Variants in CCNYL1 observed in about 807,000 individuals in gnomAD.
CCNYL1 encodes cyclin-Y-like protein 1.
A neutral mutation model predicts 44.2 loss-of-function variants in CCNYL1; 16 were observed. That is an observed-to-expected ratio of 0.36 (90% CI 0.25 to 0.55). The LOEUF is 0.55. CCNYL1 is among the 20% of genes least tolerant of loss of function. The pLI is 0.85. For missense variants in CCNYL1, 348 were observed against 451.8 expected, an observed-to-expected ratio of 0.77 and a Z score of 2.08; for synonymous variants, 159 against 163.2, an observed-to-expected ratio of 0.97 and a Z score of 0.20.
intron 3 of CCNYL1, among the ~76,000 whole-genome samples, chr2:207,729,247 TCCGCCCC>T (rs1249665983): frequency 1.9e-5 from 2 of 104,606 alleles, no homozygotes; most frequent in African/African-American, 1.0e-4. Context: ...TTTACTTGTC[TCCGCCCC>T]CCCCCGCCCC....
chr2:207,753,311 A>G (rs1185981577), intron 9 of CCNYL1, among the ~76,000 whole-genome samples: 2 of 152,232 alleles, frequency 1.3e-5, no homozygotes, highest in African/African-American at 2.4e-5. Context: ...GCCCTATCAC[A>G]ATACCTTTGA....
chr2:207,746,474 TTGA>T (rs1296591029), intron 7 of CCNYL1, among the ~76,000 whole-genome samples: 1 of 152,316 alleles, frequency 6.6e-6, no homozygotes, highest in Admixed American at 6.5e-5. Context: ...AGTGCCTCTC[TTGA>T]TGATGCTGTT....
At chr2:207,730,596 A>G (rs2091719150) in intron 3 of CCNYL1, among the ~76,000 whole-genome samples, 1 of 152,094 alleles carries the variant, frequency 6.6e-6, no homozygotes, top group Non-Finnish European at 1.5e-5. Flanking sequence ...CGTTTCTACT[A>G]AAAATATAAA....
intron 7 of CCNYL1, among the ~76,000 whole-genome samples, chr2:207,746,774 G>A (rs965367869): frequency 1.3e-5 from 2 of 152,122 alleles, no homozygotes; most frequent in African/African-American, 4.8e-5. Context: ...TCAGGAGTTC[G>A]AGACCAACCT....
intron 9 of CCNYL1, among the ~76,000 whole-genome samples, chr2:207,751,503 T>G (rs2091890154): frequency 6.6e-6 from 1 of 152,122 alleles, no homozygotes; most frequent in Non-Finnish European, 1.5e-5. Context: ...GCAGATCACT[T>G]GAGGTCAGGA....
At chr2:207,722,957 C>T (rs1437942618) in intron 1 of CCNYL1, among the ~76,000 whole-genome samples, 4 of 147,880 alleles carry the variant, frequency 2.7e-5, no homozygotes, top group Admixed American at 6.8e-5. Context: ...AGACTCTTCT[C>T]TCGGAAAAAA....
intron 3 of CCNYL1, 80 bp downstream of exon 3, chr2:207,726,956 G>C: frequency 2.0e-6 from 2 of 995,306 alleles, no homozygotes; most frequent in Non-Finnish European, 2.9e-6. Flanking sequence ...AAATATAATG[G>C]GGACCCAATA....
intron 3 of CCNYL1, among the ~76,000 whole-genome samples, chr2:207,729,218 C>A (rs963600110): frequency 1.4e-5 from 2 of 145,826 alleles, no homozygotes; most frequent in South Asian, 4.6e-4. Context: ...CTTATTAGAC[C>A]AGTGTTTCTG....
At chr2:207,728,982 AAAG>A (rs2091700743) in intron 3 of CCNYL1, among the ~76,000 whole-genome samples, 1 of 152,044 alleles carries the variant, frequency 6.6e-6, no homozygotes, top group Non-Finnish European at 1.5e-5. Flanking sequence ...TATTTTTAGT[AAAG>A]AAGGGATTTT....
intron 7 of CCNYL1, 47 bp downstream of exon 7, chr2:207,742,389 A>G (rs1465011318): frequency 6.4e-7 from 1 of 1,567,136 alleles, no homozygotes; most frequent in African/African-American, 1.4e-5. Context: ...TTAGTCTTGT[A>G]CACAGGGTAT....
chr2:207,741,159 G>A (rs1259079777), intron 6 of CCNYL1, among the ~76,000 whole-genome samples: 1 of 152,150 alleles, frequency 6.6e-6, no homozygotes, highest in Non-Finnish European at 1.5e-5. Context: ...GGAGGCTGAG[G>A]CAGGAGAATG....
At chr2:207,724,725 T>G in intron 1 of CCNYL1, 75 bp from the exon 2 acceptor site, 1 of 1,024,734 alleles carries the variant, frequency 9.8e-7, no homozygotes, top group Non-Finnish European at 1.5e-6. Context: ...GTGATTAAAA[T>G]GGATGTGTAT....
At chr2:207,736,479 T>G (rs2091765418) in intron 4 of CCNYL1, among the ~76,000 whole-genome samples, 1 of 152,226 alleles carries the variant, frequency 6.6e-6, no homozygotes, top group South Asian at 2.1e-4. Context: ...TAAACCAATG[T>G]GGAAATACTT....
At chr2:207,727,858 C>A (rs969523518) in intron 3 of CCNYL1, among the ~76,000 whole-genome samples, 1 of 152,104 alleles carries the variant, frequency 6.6e-6, no homozygotes, top group African/African-American at 2.4e-5. Context: ...TCTTGTTATC[C>A]TTCCTAGTTT....
At chr2:207,735,335 T>G (rs1487904010) in intron 4 of CCNYL1, among the ~76,000 whole-genome samples, 1 of 152,210 alleles carries the variant, frequency 6.6e-6, no homozygotes, top group African/African-American at 2.4e-5. Flanking sequence ...ATAGGTTGGG[T>G]GAGCCATATC....
At chr2:207,730,778 A>G (rs1172855276) in intron 3 of CCNYL1, among the ~76,000 whole-genome samples, 1 of 152,192 alleles carries the variant, frequency 6.6e-6, no homozygotes, top group Non-Finnish European at 1.5e-5. Flanking sequence ...AAATAAATTT[A>G]TAAACTCTGT....
intron 7 of CCNYL1, among the ~76,000 whole-genome samples, chr2:207,744,508 C>G (rs1055129235): frequency 1.3e-5 from 2 of 151,816 alleles, no homozygotes; most frequent in Admixed American, 6.6e-5. Context: ...CCTGGGCTTA[C>G]CAGTGCCCGT....
chr2:207,716,022 T>C (rs2091591730), intron 1 of CCNYL1, among the ~76,000 whole-genome samples: 1 of 152,196 alleles, frequency 6.6e-6, no homozygotes, highest in Non-Finnish European at 1.5e-5. Context: ...ACATTTCAGA[T>C]AGACTCAAAG....
At chr2:207,717,169 A>G (rs1414244103) in intron 1 of CCNYL1, among the ~76,000 whole-genome samples, 2 of 151,054 alleles carry the variant, frequency 1.3e-5, no homozygotes, top group African/African-American at 4.9e-5. Flanking sequence ...TTTTCCCTGG[A>G]CTTTAGAATT....
Sources: gnomAD v4.1 joint callset for allele counts (sites outside exome capture counted in the v4.1 genomes callset) on GRCh38, gnomAD v4.1.1 for gene constraint, MANE v1.5 for transcripts, NCBI Gene and HGNC (gene_info 2026-07-23, HGNC 2026-07-21) for gene names.